The following COL14A1 variants were observed in gnomAD, a reference collection of about 807,000 sequenced individuals.
The protein encoded by COL14A1 is collagen type XIV alpha 1 chain.
A neutral mutation model predicts 230.3 loss-of-function variants in COL14A1; 136 were observed. That is an observed-to-expected ratio of 0.59 (90% CI 0.51 to 0.68). COL14A1 has a LOEUF of 0.68. COL14A1 is among the 30% of genes least tolerant of loss of function. The pLI is 0.00. For synonymous variants in COL14A1, 792 were observed against 784.1 expected (o/e 1.01, Z -0.17); for missense variants, 1,976 against 2,215.8 (o/e 0.89, Z 2.17).
chr8:120,177,874 A>C (rs973616169), intron 5 of COL14A1, among the ~76,000 whole-genome samples: 1 of 151,968 alleles, frequency 6.6e-6, no homozygotes, highest in African/African-American at 2.4e-5. Flanking sequence ...GAGCATAAAC[A>C]TAAAAGATAG....
rs898511514 is a variant in COL14A1, at chr8:120,372,486, T to G, written c.*1255T>G. Among the ~76,000 whole-genome samples, 79 of 152,290 alleles carry G rather than the reference T, an allele frequency of 5.2e-4. No homozygotes were observed. The highest frequency in any genetic ancestry group is 1.9e-4 in the Non-Finnish European group (13 of 68,022). ...CTAGGTATTTGAGAAAGATTTGAAT[T>G]CTATTATGTGCTAGTTGAAATAGAA... On this transcript the variant is annotated 3_prime_UTR_variant, in exon 48 of 48. Coordinates refer to ENST00000297848, the MANE Select transcript of COL14A1 (RefSeq NM_021110.4).
intron 47 of COL14A1, chr8:120,370,605 C>T (rs1346688034): frequency 6.9e-7 from 1 of 1,451,352 alleles, no homozygotes; most frequent in East Asian, 2.6e-5. Context: ...TTAATAGACA[C>T]TGACTGCTCC....
chr8:120,270,040 A>C lies in COL14A1; in HGVS notation c.3079A>C (p.Lys1027Gln). ...AATTCATTGTTGGTCTTCAGTATGT[A>C]AGGCGGCCAAGGCTGACCTGGTATT... Reference protein sequence around the residue: ...PTIPPAKEVCKAAKADLVFMV... With the variant: ...PTIPPAKEVCQAAKADLVFMV... The change falls in exon 26 of 48, where the codon AAG becomes CAG. Residue 1027 changes from lysine to glutamine, a missense_variant. This residue lies in a region of COL14A1 where 1,791 missense variants were observed against 2,019.5 expected (regional missense o/e 0.89). Coordinates refer to ENST00000297848, the MANE Select transcript of COL14A1 (RefSeq NM_021110.4). The C allele has an allele frequency of 1.2e-6, 2 of 1,610,890 alleles. No individual in the cohort carries two copies. The highest frequency in any genetic ancestry group is 1.1e-5 in the South Asian group (1 of 90,866).
Position 120,283,666 on chromosome 8 carries a change from C to T in COL14A1, c.3855C>T (p.Asp1285=). The T allele has an allele frequency of 6.2e-7, 1 of 1,613,412 alleles. No individual in the cohort carries two copies. The highest frequency in any genetic ancestry group is 8.5e-7 in the Non-Finnish European group (1 of 1,179,758). ...RYLHPEGLPS[D]YTISFLFRIL... is the part of the protein sequence containing the mutation. The stretch of plus-strand genomic sequence containing the variant: ...TGCACCCAGAAGGATTGCCCTCCGA[C>T]TACACAATCAGTTTTCTATTCCGGA... The change falls in exon 32 of 48, where the codon GAC becomes GAT. Residue 1285 remains aspartate, a synonymous_variant. Transcript: ENST00000297848.
upstream of COL14A1, chr8:120,125,087 G>C (rs558063855): frequency 6.6e-6 from 1 of 152,384 alleles, no homozygotes; most frequent in Non-Finnish European, 1.5e-5. Flanking sequence ...ATTGGCTGCC[G>C]GCGGGCCTTC....
In COL14A1 at chr8:120,279,985, G is replaced by A. The variant is rs770716409; in HGVS notation, c.3532G>A (p.Val1178Ile). 1 of 1,613,696 alleles carries A rather than the reference G, an allele frequency of 6.2e-7. No individual in the cohort carries two copies. Among genetic ancestry groups the A allele is most frequent in the African/African-American group, 1.3e-5 (1 of 74,890 alleles). Reference sequence around the variant, plus strand: ...GGCCGATGCAGATTACTCGGAGTTGGTTAGCATTGGCAGTAAGCCCAGCGC... The same window carrying A: ...GGCCGATGCAGATTACTCGGAGTTGATTAGCATTGGCAGTAAGCCCAGCGC... ...GVADADYSEL[V>I]SIGSKPSARH... The change falls in exon 29 of 48, where the codon GTT becomes ATT. Residue 1178 changes from valine to isoleucine, a missense_variant. By Grantham distance (29) the Val-to-Ile change is conservative. Around this residue, in one of 3 missense-constraint regions of COL14A1, gnomAD observed 1,791 missense variants for 2,019.5 expected, o/e 0.89. Coordinates refer to ENST00000297848, the MANE Select transcript of COL14A1 (RefSeq NM_021110.4).
At chr8:120,270,979 C>T (rs1483492361) in intron 26 of COL14A1, among the ~76,000 whole-genome samples, 2 of 151,550 alleles carry the variant, frequency 1.3e-5, no homozygotes, top group African/African-American at 2.4e-5. Context: ...AACCTAAATG[C>T]CCATCAATAG....
At chr8:120,161,030 T>C (rs77314077) in intron 3 of COL14A1, among the ~76,000 whole-genome samples, 37,004 of 151,932 alleles carry the variant, frequency 0.24, 4,879 homozygotes, top group South Asian at 0.31. Flanking sequence ...GTGAAAGATA[T>C]ATTAGGTGCA....
intron 22 of COL14A1, among the ~76,000 whole-genome samples, chr8:120,252,772 A>G (rs7823333): frequency 6.6e-6 from 1 of 151,892 alleles, no homozygotes; most frequent in East Asian, 1.9e-4. Flanking sequence ...CCTATATCTT[A>G]CCCTCATCCC....
At chr8:120,211,467 A>G (rs1817614661) in intron 12 of COL14A1, among the ~76,000 whole-genome samples, 1 of 152,232 alleles carries the variant, frequency 6.6e-6, no homozygotes. Context: ...AGATATATCT[A>G]TACACATACA....
chr8:120,193,527 T>G (rs554156376), intron 5 of COL14A1, among the ~76,000 whole-genome samples: 1 of 152,192 alleles, frequency 6.6e-6, no homozygotes, highest in Admixed American at 6.5e-5. Flanking sequence ...GGCAGTCTGC[T>G]CGTTCTCAGA....
In COL14A1 at chr8:120,280,018, G is replaced by A. The variant is rs114236859; in HGVS notation, c.3565G>A (p.Val1189Ile). The change falls in exon 29 of 48, where the codon GTC becomes ATC. Residue 1189 changes from valine to isoleucine, a missense_variant. Transcript: ENST00000297848. ...SIGSKPSARH[V>I]FFVDDFDAFK... Reference sequence around the variant, plus strand: ...TGGCAGTAAGCCCAGCGCACGCCATGTCTTCTTTGTGGATGACTTTGACGC... The same window carrying A: ...TGGCAGTAAGCCCAGCGCACGCCATATCTTCTTTGTGGATGACTTTGACGC... 4,748 of 1,613,900 alleles carry A rather than the reference G, an allele frequency of 2.9e-3. 45 individuals carry two copies. The Middle Eastern group carries it at 0.04, about 14-fold the overall frequency.
At chr8:120,326,788 G>A (rs1340253220) in intron 40 of COL14A1, among the ~76,000 whole-genome samples, 1 of 152,172 alleles carries the variant, frequency 6.6e-6, no homozygotes, top group African/African-American at 2.4e-5. Flanking sequence ...CACTTTGGGA[G>A]GCTGAGGCAG....
At chr8:120,276,124 G>A (rs1400983486) in intron 26 of COL14A1, among the ~76,000 whole-genome samples, 1 of 150,244 alleles carries the variant, frequency 6.7e-6, no homozygotes, top group Non-Finnish European at 1.5e-5. Flanking sequence ...ATATATATAT[G>A]TAAAAAAATA....
At chr8:120,204,285 A>G (rs1416717761) in intron 9 of COL14A1, among the ~76,000 whole-genome samples, 1 of 152,160 alleles carries the variant, frequency 6.6e-6, no homozygotes, top group Admixed American at 6.5e-5. Context: ...GCACATTTCC[A>G]CCACAAGGAT....
chr8:120,312,066 C>T (rs901260137), intron 37 of COL14A1, among the ~76,000 whole-genome samples: 2 of 151,982 alleles, frequency 1.3e-5, no homozygotes, highest in African/African-American at 4.8e-5. Flanking sequence ...CACTGCACTC[C>T]AGCCTGGGCA....
chr8:120,240,927 T>C (rs1427773289), intron 19 of COL14A1, among the ~76,000 whole-genome samples: 3 of 152,164 alleles, frequency 2.0e-5, no homozygotes, highest in African/African-American at 4.8e-5. Flanking sequence ...TCTTGGAATA[T>C]GGAGGAGTGG....
chr8:120,212,346 G>C, intron 12 of COL14A1, 102 bp from the exon 13 acceptor site: 2 of 1,190,014 alleles, frequency 1.7e-6, no homozygotes, highest in South Asian at 1.6e-5. Context: ...GTAACAGGAC[G>C]TAAAGTCTTA....
chr8:120,202,372 AAATT>A (rs1817276737), intron 8 of COL14A1, among the ~76,000 whole-genome samples: 1 of 152,222 alleles, frequency 6.6e-6, no homozygotes, highest in African/African-American at 2.4e-5. Flanking sequence ...GTTGAAAGAT[AAATT>A]AATTGGCACA....
Sources: gnomAD v4.1 joint callset for allele counts (sites outside exome capture counted in the v4.1 genomes callset) on GRCh38, gnomAD v4.1.1 for gene constraint, gnomAD v4.1.1 regional missense constraint, MANE v1.5 for transcripts, NCBI Gene and HGNC (gene_info 2026-07-23, HGNC 2026-07-21) for gene names.